The following CATSPERG variants were observed in gnomAD, a reference collection of about 807,000 sequenced individuals.
The protein encoded by CATSPERG is catsper channel auxiliary subunit gamma.
In CATSPERG, 115 loss-of-function variants were observed where a neutral mutation model predicts 145.0. The ratio of observed to expected loss-of-function variants is 0.79; its 90% CI spans 0.68 to 0.93. CATSPERG has a LOEUF of 0.93. Among genes scored for constraint, CATSPERG ranks in the 40% least tolerant of loss-of-function variants. The pLI is 0.00. For missense variants in CATSPERG, 1,296 were observed against 1,490.1 expected (o/e 0.87, Z 2.14); for synonymous variants, 588 against 589.0 (o/e 1.00, Z 0.02).
chr19:38,351,298 A>C (rs1444451764), intron 7 of CATSPERG, among the ~76,000 whole-genome samples: 1 of 151,668 alleles, frequency 6.6e-6, no homozygotes. Context: ...CCGTCTACAC[A>C]GTTATTTATT....
chr19:38,358,461 G>A lies in CATSPERG; in HGVS notation c.1396G>A (p.Gly466Arg). The A allele has an allele frequency of 1.9e-6, 3 of 1,614,134 alleles. No homozygotes were observed. Among genetic ancestry groups the A allele is most frequent in the Non-Finnish European group, 1.7e-6 (2 of 1,180,008 alleles). Residue 466 changes from glycine (G) to arginine (R), a missense_variant, in exon 13 of 29, where the codon GGG becomes AGG. Physicochemically the swap from Gly to Arg is moderately radical, Grantham distance 125. Coordinates refer to ENST00000409235, the MANE Select transcript of CATSPERG (RefSeq NM_021185.5). ...ARGLEFLMIL[G>R]TESYTSTAMA... ...AGGATTGGAGTTCCTGATGATCCTA[G>A]GGACAGAGTCCTACACCAGCACTGC...
At chr19:38,342,583 G>C (rs1210062903) in intron 3 of CATSPERG, among the ~76,000 whole-genome samples, 1 of 148,628 alleles carries the variant, frequency 6.7e-6, no homozygotes, top group African/African-American at 2.5e-5. Flanking sequence ...CTGGGCGACA[G>C]AGTGAGACTC....
At chr19:38,336,256 G>C (rs1232499603) in intron 1 of CATSPERG, 1 of 455,996 alleles carries the variant, frequency 2.2e-6, no homozygotes, top group South Asian at 1.6e-5. Context: ...AGAAGGTGTG[G>C]GGCGAGGAAA....
chr19:38,362,181 C>A (rs774120491), intron 17 of CATSPERG, 29 bp from the exon 18 acceptor site: 3 of 1,564,266 alleles, frequency 1.9e-6, no homozygotes, highest in Non-Finnish European at 2.6e-6. Context: ...GCTGCCCAAT[C>A]CCTTCACGGT....
chr19:38,343,700 G>A lies in CATSPERG; in HGVS notation c.445G>A (p.Glu149Lys). 1 of 1,551,018 alleles carries A rather than the reference G, an allele frequency of 6.4e-7. No individual in the cohort carries two copies. Among genetic ancestry groups the A allele is most frequent in the South Asian group, 1.2e-5 (1 of 84,060 alleles). Residue 149 changes from glutamate to lysine, a missense_variant, in exon 4 of 29, where the codon GAG becomes AAG. Physicochemically the swap from Glu to Lys is moderately conservative, Grantham distance 56. Transcript: ENST00000409235. ...GATAGAGCAGCTGCAGATCCAGATG[G>A]AGGCTGCCCCCTTCCGCAGCAAAGG... ...WKIEQLQIQM[E>K]AAPFRSKEPC...
intron 8 of CATSPERG, among the ~76,000 whole-genome samples, chr19:38,353,060 A>G (rs935940280): frequency 6.9e-6 from 1 of 145,036 alleles, no homozygotes; most frequent in African/African-American, 2.5e-5. Flanking sequence ...AAAGCTGGGC[A>G]TGGTGGCTCA....
At chr19:38,366,294 G>C (rs1009963997) in intron 22 of CATSPERG, 4 of 152,392 alleles carry the variant, frequency 2.6e-5, no homozygotes, top group African/African-American at 9.6e-5. Flanking sequence ...GCAGATCCTG[G>C]TGTTCCTCCC....
At chr19:38,357,204 T>A (rs1307322062) in intron 11 of CATSPERG, among the ~76,000 whole-genome samples, 1 of 152,114 alleles carries the variant, frequency 6.6e-6, no homozygotes, top group Non-Finnish European at 1.5e-5. Context: ...TGCCTTTTTA[T>A]AATTCACATG....
intron 10 of CATSPERG, 27 bp downstream of exon 10, chr19:38,356,570 G>A (rs370127051): frequency 1.1e-4 from 183 of 1,610,576 alleles, no homozygotes; most frequent in Non-Finnish European, 9.6e-5. Context: ...TGGGTCTGCG[G>A]TGGGAGGCTG....
Position 38,344,139 on chromosome 19 carries a change from G to C in CATSPERG, c.596+20G>C. 1 of 1,551,446 alleles carries C rather than the reference G, an allele frequency of 6.4e-7. No homozygotes were observed. The highest frequency in any genetic ancestry group is 8.7e-7 in the Non-Finnish European group (1 of 1,146,850). ...TAAAAGGTACCCTTTCCCAAGACGG[G>C]GGCTGGGGTGGACTCCGGGGGAATT... is the stretch of plus-strand genomic sequence containing the variant. On this transcript the variant is annotated intron_variant, in intron 5 of 28. Transcript: ENST00000409235.
intron 25 of CATSPERG, 109 bp from the exon 26 acceptor site, chr19:38,367,939 A>T: frequency 8.5e-7 from 1 of 1,183,158 alleles, no homozygotes; most frequent in Non-Finnish European, 1.3e-6. Context: ...CGCCCCTAAC[A>T]CCATGTCCCC....
intron 7 of CATSPERG, among the ~76,000 whole-genome samples, chr19:38,347,544 T>C (rs1970061343): frequency 6.6e-6 from 1 of 152,170 alleles, no homozygotes; most frequent in South Asian, 2.1e-4. Flanking sequence ...AGGGAGTGTC[T>C]GAAGTAAGGA....
At chr19:38,357,447 C>T (rs112466386) in intron 11 of CATSPERG, among the ~76,000 whole-genome samples, 4 of 150,214 alleles carry the variant, frequency 2.7e-5, no homozygotes, top group African/African-American at 9.8e-5. Context: ...TAGCATAAGC[C>T]CAGGAGGTTG....
chr19:38,343,377 A>G (rs1969969992), intron 3 of CATSPERG, among the ~76,000 whole-genome samples: 1 of 152,044 alleles, frequency 6.6e-6, no homozygotes, highest in African/African-American at 2.4e-5. Context: ...CTCCCTCCAC[A>G]GCCCCTTACC....
rs1306083921 is a variant in CATSPERG at position 38,367,661 on chromosome 19, T to G, written c.2835-20T>G. On this transcript the variant is annotated intron_variant, in intron 24 of 28. Transcript: ENST00000409235. ...CTCGAGACCCGGAGGCCAGTCTGTG[T>G]GCACTTCTGTCCCTGGTAGCTATGT... 2 of 1,613,770 alleles carry G rather than the reference T, an allele frequency of 1.2e-6. No individual in the cohort carries two copies.
In CATSPERG at chr19:38,359,226, G is replaced by T. The variant is rs117221432; in HGVS notation, c.1497-244G>T. Among the ~76,000 whole-genome samples, 379 of 152,078 alleles carry T rather than the reference G, an allele frequency of 2.5e-3. 10 individuals are homozygous for T. The East Asian group carries it at 0.049, about 20-fold the overall frequency. ...CCCTCTCGACCCTCAGGAACCTAGG[G>T]GCCCCTGAGCCACCTTCTTGGGTGG... is the stretch of plus-strand genomic sequence containing the variant. On this transcript the variant is annotated intron_variant, in intron 13 of 28. Coordinates refer to ENST00000409235, the MANE Select transcript of CATSPERG (RefSeq NM_021185.5).
At chr19:38,367,865 C>G (rs2302187) in intron 25 of CATSPERG, 89 bp downstream of exon 25, 2 of 1,310,906 alleles carry the variant, frequency 1.5e-6, no homozygotes, top group South Asian at 1.2e-5. Flanking sequence ...CGCAAGCCCC[C>G]ACCTCTGCGT....
intron 8 of CATSPERG, 70 bp downstream of exon 8, chr19:38,352,502 G>A (rs1970160063): frequency 4.7e-6 from 7 of 1,475,198 alleles, no homozygotes; most frequent in Non-Finnish European, 6.5e-6. Flanking sequence ...GAAGGTGGCT[G>A]GGGGCTGGAA....
rs1358642615 is a variant in CATSPERG at position 38,344,502 on chromosome 19, A to C, written c.669+134A>C. 5 of 758,524 alleles carry C rather than the reference A, an allele frequency of 6.6e-6. No homozygotes were observed. In the African/African-American group the frequency reaches 8.6e-5, roughly 13 times the overall value. The allele number at this position is 758,524 out of a possible 1,614,324, so 47.0% of individuals were successfully genotyped here. On this transcript the variant is annotated intron_variant, in intron 6 of 28. Transcript: ENST00000409235. ...CCAGGCCCCACATGAAGATCCCATT[A>C]ATCTCCCCAGTGACCTGTCGAGGGG...
Sources: gnomAD v4.1 joint callset for allele counts (sites outside exome capture counted in the v4.1 genomes callset) on GRCh38, gnomAD v4.1.1 for gene constraint, MANE v1.5 for transcripts, NCBI Gene and HGNC (gene_info 2026-07-23, HGNC 2026-07-21) for gene names.